DYNC2H1: variants seen among roughly 807,000 people sequenced by gnomAD.
DYNC2H1 encodes the protein dynein cytoplasmic 2 heavy chain 1, also known as cytoplasmic dynein 2 heavy chain 1.
A neutral mutation model predicts 570.0 loss-of-function variants in DYNC2H1; 410 were observed. The observed-to-expected ratio is 0.72, with a 90% CI of 0.66 to 0.78. DYNC2H1 has a LOEUF of 0.78. DYNC2H1 is among the 30% of genes least tolerant of loss of function. The pLI, the probability that DYNC2H1 is intolerant of heterozygous loss-of-function variation, is 0.00. For synonymous variants in DYNC2H1, 1,688 were observed against 1,677.6 expected (o/e 1.01, Z -0.15); for missense variants, 4,865 against 5,046.4 (o/e 0.96, Z 1.09).
At chr11:103,463,576 C>G (rs1805466884) in intron 87 of DYNC2H1, among the ~76,000 whole-genome samples, 1 of 152,018 alleles carries the variant, frequency 6.6e-6, no homozygotes, top group African/African-American at 2.4e-5. Context: ...ATGGAAGAAC[C>G]CTGTTTCTAC....
At chr11:103,292,913 C>T (rs1191546972) in intron 75 of DYNC2H1, among the ~76,000 whole-genome samples, 1 of 152,200 alleles carries the variant, frequency 6.6e-6, no homozygotes, top group African/African-American at 2.4e-5. Context: ...TAAATTAGCC[C>T]ATCTCAGGTA....
intron 83 of DYNC2H1, among the ~76,000 whole-genome samples, chr11:103,396,098 C>A (rs1489285768): frequency 1.3e-5 from 2 of 152,068 alleles, no homozygotes; most frequent in Admixed American, 6.6e-5. Context: ...GGAAAAAATA[C>A]CTTTGTCCAT....
intron 88 of DYNC2H1, among the ~76,000 whole-genome samples, chr11:103,477,155 A>G (rs1396255218): frequency 1.3e-5 from 2 of 152,360 alleles, no homozygotes; most frequent in East Asian, 1.9e-4. Flanking sequence ...GAGCCTGAAA[A>G]TAATTTATTT....
At chr11:103,175,054 CAG>C (rs906804690) in intron 36 of DYNC2H1, among the ~76,000 whole-genome samples, 1 of 152,070 alleles carries the variant, frequency 6.6e-6, no homozygotes, top group African/African-American at 2.4e-5. Context: ...TAGCTCAATA[CAG>C]ACTCATATAT....
In DYNC2H1 at chr11:103,465,275, T is replaced by C. The variant is rs141804112; in HGVS notation, c.12649-3314T>C. Reference sequence around the variant, plus strand: ...TCCAGTTAAATGTTACTTAAAGATATACATTTCAGTCGTGATCACGCAGAT... The same window carrying C: ...TCCAGTTAAATGTTACTTAAAGATACACATTTCAGTCGTGATCACGCAGAT... On this transcript the variant is annotated intron_variant, in intron 87 of 88. Coordinates refer to ENST00000375735, the MANE Select transcript of DYNC2H1 (RefSeq NM_001377.3). This position sits in a 1 kb window ranked among gnomAD's most constrained non-coding sequence, Gnocchi z 4.9. 3.8e-3 allele frequency among the ~76,000 whole-genome samples: 571 copies of C among 152,266 alleles called. 5 individuals are homozygous for C. The highest frequency in any genetic ancestry group is 5.0e-3 in the Non-Finnish European group (343 of 68,012).
intron 17 of DYNC2H1, among the ~76,000 whole-genome samples, chr11:103,136,503 A>G (rs1313573012): frequency 1.6e-4 from 25 of 151,778 alleles, no homozygotes; most frequent in Admixed American, 2.0e-4. Context: ...GCGATAGTTT[A>G]CTGAGAATAA....
intron 82 of DYNC2H1, among the ~76,000 whole-genome samples, chr11:103,355,751 A>G (rs1365834891): frequency 6.6e-6 from 1 of 152,084 alleles, no homozygotes; most frequent in Non-Finnish European, 1.5e-5. Context: ...TTGCTTTGTC[A>G]TGTAGACTTG....
At chr11:103,348,325 C>G (rs1490711967) in intron 82 of DYNC2H1, among the ~76,000 whole-genome samples, 4 of 152,074 alleles carry the variant, frequency 2.6e-5, no homozygotes, top group African/African-American at 7.2e-5. Context: ...ATTCAGTAAA[C>G]AGCACATATT....
At chr11:103,207,010 C>T (rs1298937151) in intron 52 of DYNC2H1, among the ~76,000 whole-genome samples, 1 of 152,042 alleles carries the variant, frequency 6.6e-6, no homozygotes, top group African/African-American at 2.4e-5. Context: ...CAACTTCTGC[C>T]TCCTGGCTTC....
chr11:103,177,811 GAACCTC>G lies in DYNC2H1; in HGVS notation c.6133_6138del (p.Pro2045_Gln2046del). On this transcript the variant is annotated inframe_deletion, in exon 38 of 89. Coordinates refer to ENST00000375735, the MANE Select transcript of DYNC2H1 (RefSeq NM_001377.3). The surrounding 1 kb of genome is among the most constrained non-coding windows in gnomAD (Gnocchi z 4.4). ...AAATAGTGCTCGTCAAGTGGTTCGG[GAACCTC>G]AAGGTTAGTCTCTATGTATACTTCT... The G allele has an allele frequency of 6.2e-7, 1 of 1,609,576 alleles. No homozygotes were observed. Among genetic ancestry groups the G allele is most frequent in the African/African-American group, 1.3e-5 (1 of 74,750 alleles).
chr11:103,392,617 A>T (rs1427631737), intron 83 of DYNC2H1, among the ~76,000 whole-genome samples: 1 of 151,990 alleles, frequency 6.6e-6, no homozygotes. Flanking sequence ...CTATTCGGCC[A>T]TCTTGGCTCC....
intron 39 of DYNC2H1, among the ~76,000 whole-genome samples, chr11:103,180,659 T>G (rs1861814132): frequency 6.6e-6 from 1 of 151,676 alleles, no homozygotes; most frequent in Non-Finnish European, 1.5e-5. Context: ...TGTGGACCTT[T>G]TAATACTGAA....
intron 82 of DYNC2H1, 129 bp from the exon 83 acceptor site, chr11:103,358,112 TTA>T (rs1251082370): frequency 3.6e-6 from 2 of 552,158 alleles, no homozygotes; most frequent in Non-Finnish European, 6.3e-6. Flanking sequence ...GATAATAAGA[TTA>T]TAAACTGTTG....
chr11:103,355,868 A>AC (rs1940311709), intron 82 of DYNC2H1, among the ~76,000 whole-genome samples: 1 of 152,016 alleles, frequency 6.6e-6, no homozygotes, highest in South Asian at 2.1e-4. Flanking sequence ...ACCATACCTG[A>AC]CTAATGTATT....
chr11:103,394,559 T>C (rs1942310576), intron 83 of DYNC2H1, among the ~76,000 whole-genome samples: 1 of 151,654 alleles, frequency 6.6e-6, no homozygotes, highest in Non-Finnish European at 1.5e-5. Context: ...GGGAAGGGAA[T>C]AAAAAAGGAA....
At chr11:103,449,671 ATTATTATTC>A in intron 85 of DYNC2H1, among the ~76,000 whole-genome samples, 1 of 105,904 alleles carries the variant, frequency 9.4e-6, no homozygotes, top group Admixed American at 9.7e-5. Context: ...ATTCATTTTC[ATTATTATTC>A]TTAATTAGAA....
rs754349375 is a variant in DYNC2H1, at chr11:103,129,123, C to T, written c.1953+118C>T. On this transcript the variant is annotated intron_variant, in intron 13 of 88. Transcript: ENST00000375735. The surrounding 1 kb of genome is among the most constrained non-coding windows in gnomAD (Gnocchi z 4.1). ...AATGATCTAGATTTTGTTTTGCTTC[C>T]AGGGACTTCCTTCAATCTTAGCAAG... 1 of 770,424 alleles carries T rather than the reference C, an allele frequency of 1.3e-6. No homozygotes were observed. The highest frequency in any genetic ancestry group is 2.0e-6 in the Non-Finnish European group (1 of 498,678). The allele number at this position is 770,424 out of a possible 1,614,324, so 47.7% of individuals were successfully genotyped here. A position where few individuals can be genotyped will look rare whatever the true frequency, so the allele number is the denominator to read the frequency against.
rs1157563152 is a variant in DYNC2H1, at chr11:103,307,836, G to A, written c.11493+5G>A. On this transcript the variant is annotated splice_donor_5th_base_variant and intron_variant, in intron 78 of 88. Transcript: ENST00000375735. ...AGTCTGAAGATAACATATGAGGTAA[G>A]AAGATTTAAAACTTGGATCACCAGT... 6.5e-7 allele frequency: 1 copy of A among 1,545,612 alleles called. No individual in the cohort carries two copies. Among genetic ancestry groups the A allele is most frequent in the Non-Finnish European group, 8.8e-7 (1 of 1,131,826 alleles).
chr11:103,202,813 A>G (rs1591401475), intron 50 of DYNC2H1, among the ~76,000 whole-genome samples: 1 of 152,310 alleles, frequency 6.6e-6, no homozygotes, highest in East Asian at 1.9e-4. Flanking sequence ...ATGCAGGACC[A>G]AGTTTTAAAT....
Sources: gnomAD v4.1 joint callset for allele counts (sites outside exome capture counted in the v4.1 genomes callset) on GRCh38, gnomAD v4.1.1 for gene constraint, Gnocchi (gnomAD v3.1) non-coding constraint, MANE v1.5 for transcripts, NCBI Gene and HGNC (gene_info 2026-07-23, HGNC 2026-07-21) for gene names.